OPA1: variants seen among roughly 807,000 people sequenced by gnomAD.
The protein encoded by OPA1 is dynamin-like GTPase OPA1, mitochondrial.
OPA1 carries 59 observed loss-of-function variants against 152.9 expected under a neutral mutation model. That is an observed-to-expected ratio of 0.39 (90% CI 0.31 to 0.48). OPA1 has a LOEUF of 0.48. Ranked by LOEUF, OPA1 falls within the 20% of genes least tolerant of loss-of-function variation. The probability of loss-of-function intolerance (pLI) is 0.96; values close to 1 mark genes in which losing one functional copy is unlikely to be tolerated. For synonymous variants in OPA1, 400 were observed against 389.9 expected, an observed-to-expected ratio of 1.03 and a Z score of -0.31; for missense variants, 1,008 against 1,216.8, an observed-to-expected ratio of 0.83 and a Z score of 2.55.
intron 29 of OPA1, among the ~76,000 whole-genome samples, chr3:193,687,722 G>T (rs1366121924): frequency 6.6e-6 from 1 of 152,130 alleles, no homozygotes; most frequent in Non-Finnish European, 1.5e-5. Flanking sequence ...CAGCCAGATG[G>T]CACAGTTAGT....
chr3:193,650,382 T>A (rs1303614290), intron 21 of OPA1, among the ~76,000 whole-genome samples: 1 of 152,162 alleles, frequency 6.6e-6, no homozygotes, highest in East Asian at 1.9e-4. Flanking sequence ...TAAATCAGAG[T>A]AGCAGGTCCA....
At chr3:193,633,793 G>A (rs945373519) in intron 8 of OPA1, among the ~76,000 whole-genome samples, 1 of 152,150 alleles carries the variant, frequency 6.6e-6, no homozygotes, top group African/African-American at 2.4e-5. Context: ...CACATTTCAG[G>A]TGCTTGATAA....
At chr3:193,658,034 TCCGGAGTTTGAGA>T (rs1714283840) in intron 23 of OPA1, among the ~76,000 whole-genome samples, 1 of 152,018 alleles carries the variant, frequency 6.6e-6, no homozygotes, top group Non-Finnish European at 1.5e-5. Flanking sequence ...TCACCTGAGG[TCCGGAGTTTGAGA>T]CCAGCCTGAC....
In OPA1 at chr3:193,647,067, C is replaced by T. The variant is rs1560379899; in HGVS notation, c.1757C>T (p.Thr586Ile). The T allele has an allele frequency of 6.2e-7, 1 of 1,601,434 alleles. No homozygotes were observed. The highest frequency in any genetic ancestry group is 8.5e-7 in the Non-Finnish European group (1 of 1,170,636). The stretch of plus-strand genomic sequence containing the variant: ...CTCTTGTTATTTTTTTTTAATAGGA[C>T]AAGCATGCTAAAGGCACACCAAGTG... ...EFFQNSKLLK[T>I]SMLKAHQVTT... The change falls in exon 19 of 31, where the codon ACA (threonine) becomes ATA (isoleucine). Residue 586 changes from threonine (T) to isoleucine (I), a missense_variant and splice_region_variant. By Grantham distance (89) the Thr-to-Ile change is moderately conservative (BLOSUM62 -1). Coordinates refer to ENST00000361510, the MANE Select transcript of OPA1 (RefSeq NM_130837.3).
In OPA1 at chr3:193,617,255, C is replaced by G. The variant is rs1729174512; in HGVS notation, c.526C>G (p.Leu176Val). Reference sequence around the variant, plus strand: ...AGACTTTGACAAGATTGTTGAAAGCCTTAGCTTATTGAAGGACTTTTTTAC... The same window carrying G: ...AGACTTTGACAAGATTGTTGAAAGCGTTAGCTTATTGAAGGACTTTTTTAC... The part of the protein sequence containing the change: ...APDFDKIVES[L>V]SLLKDFFTSG... The change falls in exon 4 of 31, where the codon CTT (leucine) becomes GTT (valine). Residue 176 changes from leucine (L) to valine (V), a missense_variant. Physicochemically the swap from Leu to Val is conservative, Grantham distance 32. Around this residue, in one of 7 missense-constraint regions of OPA1, gnomAD observed 408 missense variants for 395.1 expected, o/e 1.03. Transcript: ENST00000361510. 1 of 1,612,360 alleles carries G rather than the reference C, an allele frequency of 6.2e-7. No homozygotes were observed. Among genetic ancestry groups the G allele is most frequent in the African/African-American group, 1.3e-5 (1 of 74,864 alleles).
intron 29 of OPA1, among the ~76,000 whole-genome samples, chr3:193,672,271 AT>A (rs1718101522): frequency 6.6e-6 from 1 of 152,118 alleles, no homozygotes; most frequent in Admixed American, 6.5e-5. Context: ...CATAAGTGCA[AT>A]TTGTTTTTTG....
rs1714563382 is a variant in OPA1 at position 193,658,908 on chromosome 3, T to G, written c.2353T>G (p.Leu785Val). ...TCAGAGGGTTATTCAACACAATGCT[T>G]TGGAAGACCGATCCATATCTGATAA... ...DSLRVIQHNA[L>V]EDRSISDKQQ... Residue 785 changes from leucine to valine, a missense_variant, in exon 24 of 31, where the codon TTG becomes GTG. By Grantham distance (32) the Leu-to-Val change is conservative. Coordinates refer to ENST00000361510, the MANE Select transcript of OPA1 (RefSeq NM_130837.3). The G allele has an allele frequency of 6.2e-7, 1 of 1,613,690 alleles. No individual in the cohort carries two copies. Among genetic ancestry groups the G allele is most frequent in the Non-Finnish European group, 8.5e-7 (1 of 1,179,728 alleles).
chr3:193,610,612 C>G (rs559290557), intron 1 of OPA1, among the ~76,000 whole-genome samples: 1 of 152,188 alleles, frequency 6.6e-6, no homozygotes, highest in African/African-American at 2.4e-5. Flanking sequence ...GCCTTTTGTT[C>G]GGCTATGCCC....
rs562503796 is a variant in OPA1, at chr3:193,597,714, T to C, written c.32+4305T>C. 1.0e-4 allele frequency among the ~76,000 whole-genome samples: 14 copies of C among 136,686 alleles called. No individual in the cohort carries two copies. In the East Asian group the frequency reaches 2.8e-3, roughly 27 times the overall value. The allele number at this position is 136,686 out of a possible 152,430, so 89.7% of individuals were successfully genotyped here. On this transcript the variant is annotated intron_variant, in intron 1 of 30. Transcript: ENST00000361510. ...TCAAAAAAAAAAAAAAAAAAAGAAATGGAAATCAGGATGGTTTGGCTTTTA... is the reference window on the plus strand; with the variant it reads ...TCAAAAAAAAAAAAAAAAAAAGAAACGGAAATCAGGATGGTTTGGCTTTTA...
intron 1 of OPA1, among the ~76,000 whole-genome samples, chr3:193,596,459 C>G (rs1313329433): frequency 7.1e-6 from 1 of 141,704 alleles, no homozygotes; most frequent in African/African-American, 2.7e-5. Context: ...AGGCTGGCCT[C>G]GAACTCCTGG....
intron 29 of OPA1, among the ~76,000 whole-genome samples, chr3:193,675,604 C>T (rs1168008998): frequency 6.6e-6 from 1 of 152,120 alleles, no homozygotes; most frequent in East Asian, 1.9e-4. Flanking sequence ...TGCTTATTTA[C>T]CTTCCTTCAG....
chr3:193,671,457 G>C (rs773986152), intron 29 of OPA1, among the ~76,000 whole-genome samples: 2 of 152,194 alleles, frequency 1.3e-5, no homozygotes, highest in African/African-American at 2.4e-5. Flanking sequence ...CCAGTTGGAA[G>C]AGACTTAAAA....
chr3:193,633,038 T>A (rs1732347053), intron 8 of OPA1, among the ~76,000 whole-genome samples: 2 of 152,164 alleles, frequency 1.3e-5, no homozygotes, highest in Non-Finnish European at 2.9e-5. Context: ...CAGGTTTCTT[T>A]GGTATCTATT....
intron 29 of OPA1, chr3:193,668,931 A>G: frequency 2.1e-6 from 2 of 932,026 alleles, no homozygotes; most frequent in Non-Finnish European, 2.6e-6. Context: ...TGTAGTTGGT[A>G]CCTCTGTTTG....
At chr3:193,632,788 T>G (rs1732300483) in intron 8 of OPA1, among the ~76,000 whole-genome samples, 1 of 152,136 alleles carries the variant, frequency 6.6e-6, no homozygotes, top group African/African-American at 2.4e-5. Flanking sequence ...GAGGATCACT[T>G]GAGCCCCAGG....
chr3:193,696,195 A>G lies in OPA1; in HGVS notation c.*1595A>G, dbSNP rs1242480193. 1 of 152,266 alleles carries G rather than the reference A, an allele frequency of 6.6e-6. No individual in the cohort carries two copies. Among genetic ancestry groups the G allele is most frequent in the Non-Finnish European group, 1.5e-5 (1 of 68,042 alleles). The allele number at this position is 152,266 out of a possible 1,614,324, so 9.4% of individuals were successfully genotyped here. Reference sequence around the variant, plus strand: ...AATATTTTTGCAGTTGTAAAGCATAACAATTACAACTACACATCTATTTCT... The same window carrying G: ...AATATTTTTGCAGTTGTAAAGCATAGCAATTACAACTACACATCTATTTCT... On this transcript the variant is annotated 3_prime_UTR_variant, in exon 31 of 31. Coordinates refer to ENST00000361510, the MANE Select transcript of OPA1 (RefSeq NM_130837.3).
chr3:193,688,621 A>T lies in OPA1; in HGVS notation c.2984-3442A>T, dbSNP rs73069764. On this transcript the variant is annotated intron_variant, in intron 29 of 30. Coordinates refer to ENST00000361510, the MANE Select transcript of OPA1 (RefSeq NM_130837.3). ...TTAAGTCAAAGGTAATACTTAAAAA[A>T]GACCAAAGAGACTTAAAATAACAGC... 7.3e-3 allele frequency among the ~76,000 whole-genome samples: 1,117 copies of T among 151,984 alleles called. 11 individuals carry two copies. The highest frequency in any genetic ancestry group is 0.022 in the African/African-American group (901 of 41,460).
At chr3:193,675,604 C>A (rs1168008998) in intron 29 of OPA1, among the ~76,000 whole-genome samples, 1 of 152,120 alleles carries the variant, frequency 6.6e-6, no homozygotes, top group African/African-American at 2.4e-5. Flanking sequence ...TGCTTATTTA[C>A]CTTCCTTCAG....
chr3:193,633,502 T>A (rs1732434177), intron 8 of OPA1, among the ~76,000 whole-genome samples: 1 of 152,194 alleles, frequency 6.6e-6, no homozygotes, highest in African/African-American at 2.4e-5. Flanking sequence ...TACAAACCCT[T>A]CAATTTGTGC....
Sources: gnomAD v4.1 joint callset for allele counts (sites outside exome capture counted in the v4.1 genomes callset) on GRCh38, gnomAD v4.1.1 for gene constraint, gnomAD v4.1.1 regional missense constraint, MANE v1.5 for transcripts, NCBI Gene and HGNC (gene_info 2026-07-23, HGNC 2026-07-21) for gene names.